The following PTPRO variants were observed in gnomAD, a reference collection of about 807,000 sequenced individuals.
PTPRO encodes receptor-type tyrosine-protein phosphatase O.
In PTPRO, 62 loss-of-function variants were observed where a neutral mutation model predicts 145.2. The ratio of observed to expected loss-of-function variants is 0.43; its 90% CI spans 0.35 to 0.53. The LOEUF is 0.53. Among genes scored for constraint, PTPRO ranks in the 20% least tolerant of loss-of-function variants. The probability of loss-of-function intolerance (pLI) is 0.01; values close to 1 mark genes in which losing one functional copy is unlikely to be tolerated. For missense variants in PTPRO, 1,345 were observed against 1,482.7 expected (o/e 0.91, Z 1.53); for synonymous variants, 565 against 514.7 (o/e 1.10, Z -1.32).
chr12:15,401,640 G>A (rs1197381300), intron 1 of PTPRO, among the ~76,000 whole-genome samples: 1 of 152,106 alleles, frequency 6.6e-6, no homozygotes, highest in African/African-American at 2.4e-5. Flanking sequence ...AAATAACTGA[G>A]AATTCACAGT....
chr12:15,520,253 T>A lies in PTPRO; in HGVS notation c.1832T>A (p.Val611Glu), dbSNP rs750976747. 2.2e-5 allele frequency: 35 copies of A among 1,613,958 alleles called. 1 individual carries two copies. The South Asian group carries it at 3.7e-4, about 17-fold the overall frequency. The change falls in exon 10 of 27, where the codon GTG becomes GAG. Residue 611 changes from valine (V) to glutamate (E), a missense_variant. Physicochemically the swap from Val to Glu is moderately radical, Grantham distance 121 (BLOSUM62 -2). Around this residue, in one of 3 missense-constraint regions of PTPRO, gnomAD observed 1,130 missense variants for 1,214.7 expected, o/e 0.93. Coordinates refer to ENST00000281171, the MANE Select transcript of PTPRO (RefSeq NM_030667.3). Reference sequence around the variant, plus strand: ...TACTACAACTTCCGGGTTACCATGGTGACGTGGGGAGATCCAGAATTGAGC... The same window carrying A: ...TACTACAACTTCCGGGTTACCATGGAGACGTGGGGAGATCCAGAATTGAGC... ...AWYYNFRVTM[V>E]TWGDPELSCC... is the part of the protein sequence containing the mutation.
chr12:15,522,247 CTT>C (rs10712852), intron 10 of PTPRO, among the ~76,000 whole-genome samples: 73 of 143,546 alleles, frequency 5.1e-4, no homozygotes, highest in Admixed American at 7.6e-4. Context: ...TTTTAACCTT[CTT>C]TTTTTTTTTT....
intron 6 of PTPRO, among the ~76,000 whole-genome samples, chr12:15,508,072 C>G (rs1194568953): frequency 6.6e-6 from 1 of 152,160 alleles, no homozygotes; most frequent in African/African-American, 2.4e-5. Context: ...TTGAGCCAGC[C>G]TGTTGTGTGT....
At chr12:15,345,118 A>G (rs1442620877) in intron 1 of PTPRO, among the ~76,000 whole-genome samples, 3 of 152,118 alleles carry the variant, frequency 2.0e-5, no homozygotes, top group African/African-American at 7.2e-5. Context: ...CTCCTTTTCC[A>G]TATACATAAA....
chr12:15,421,282 T>C (rs558905431), intron 1 of PTPRO, among the ~76,000 whole-genome samples: 1 of 152,342 alleles, frequency 6.6e-6, no homozygotes, highest in African/African-American at 2.4e-5. Flanking sequence ...TGTAAATCCT[T>C]GAAACCAGTG....
chr12:15,504,145 A>G (rs567749150), intron 6 of PTPRO, 76 bp downstream of exon 6: 4 of 1,451,982 alleles, frequency 2.8e-6, no homozygotes, highest in Admixed American at 1.8e-5. Flanking sequence ...TGATGCTCAG[A>G]TGTCAATTAT....
intron 1 of PTPRO, among the ~76,000 whole-genome samples, chr12:15,362,000 GT>G (rs1258332483): frequency 2.0e-5 from 3 of 152,136 alleles, no homozygotes; most frequent in Non-Finnish European, 2.9e-5. Context: ...ATGAACTACA[GT>G]GTCCAAATCA....
At chr12:15,581,020 G>GGA (rs1944301365) in intron 22 of PTPRO, among the ~76,000 whole-genome samples, 189 bp downstream of exon 22, 1 of 152,102 alleles carries the variant, frequency 6.6e-6, no homozygotes, top group South Asian at 2.1e-4. Flanking sequence ...TCTTTGCAAT[G>GGA]TCTAAAGGAA....
chr12:15,515,808 G>A (rs1197071049), intron 8 of PTPRO, among the ~76,000 whole-genome samples, 190 bp downstream of exon 8: 1 of 151,796 alleles, frequency 6.6e-6, no homozygotes, highest in African/African-American at 2.4e-5. Flanking sequence ...TTTATTACTT[G>A]GGGAAAAAAT....
chr12:15,527,875 A>ACCCCCCCCCCCCACCCCCCC (rs1555173370), intron 12 of PTPRO, among the ~76,000 whole-genome samples: 1 of 137,648 alleles, frequency 7.3e-6, no homozygotes, highest in Non-Finnish European at 1.6e-5. Context: ...GGGAACTGTG[A>ACCCCCCCCCCCCACCCCCCC]CCCGCCCACG....
At chr12:15,327,302 T>C (rs1866472527) in intron 1 of PTPRO, among the ~76,000 whole-genome samples, 1 of 152,214 alleles carries the variant, frequency 6.6e-6, no homozygotes, top group African/African-American at 2.4e-5. Flanking sequence ...CTCTGTTTAA[T>C]GTTATTAATT....
At chr12:15,326,524 C>T (rs1268002379) in intron 1 of PTPRO, among the ~76,000 whole-genome samples, 1 of 152,136 alleles carries the variant, frequency 6.6e-6, no homozygotes, top group East Asian at 1.9e-4. Context: ...AGAAAATGCA[C>T]ATTTATGTGG....
intron 1 of PTPRO, among the ~76,000 whole-genome samples, chr12:15,356,381 AT>A (rs956041575): frequency 1.1e-4 from 17 of 151,890 alleles, no homozygotes; most frequent in Non-Finnish European, 2.2e-4. Context: ...CCCAATTCTG[AT>A]TTTTTTCCCT....
intron 14 of PTPRO, among the ~76,000 whole-genome samples, chr12:15,551,224 T>C (rs1943449900): frequency 6.6e-6 from 1 of 152,202 alleles, no homozygotes; most frequent in African/African-American, 2.4e-5. Context: ...TGGTAATGAC[T>C]TCCACATTTT....
At chr12:15,563,167 A>G (rs1943817273) in intron 17 of PTPRO, among the ~76,000 whole-genome samples, 1 of 152,150 alleles carries the variant, frequency 6.6e-6, no homozygotes, top group Non-Finnish European at 1.5e-5. Flanking sequence ...TACCTAATAT[A>G]AGTGAAAGAG....
intron 1 of PTPRO, among the ~76,000 whole-genome samples, chr12:15,345,261 T>C (rs776242783): frequency 5.9e-5 from 9 of 152,182 alleles, no homozygotes; most frequent in Non-Finnish European, 1.3e-4. Flanking sequence ...TCAATTATTT[T>C]ATAGTATCAC....
chr12:15,482,663 A>G (rs1430335980), intron 1 of PTPRO, among the ~76,000 whole-genome samples: 3 of 152,194 alleles, frequency 2.0e-5, no homozygotes, highest in Non-Finnish European at 4.4e-5. Context: ...TTATGTGTCA[A>G]TTAAAAATAA....
chr12:15,582,377 A>C (rs920318607), intron 23 of PTPRO, among the ~76,000 whole-genome samples: 20 of 152,378 alleles, frequency 1.3e-4, no homozygotes, highest in Admixed American at 3.3e-4. Context: ...CTGGGAGACC[A>C]ACCCAATGAG....
At chr12:15,468,715 T>C (rs1941472969) in intron 1 of PTPRO, among the ~76,000 whole-genome samples, 1 of 152,204 alleles carries the variant, frequency 6.6e-6, no homozygotes. Flanking sequence ...AAACCAGATT[T>C]CTTAACTGTC....
Sources: allele counts gnomAD v4.1 joint callset (sites outside exome capture counted in the v4.1 genomes callset), GRCh38; gene constraint gnomAD v4.1.1; regional missense constraint gnomAD v4.1.1; transcripts MANE v1.5; gene names NCBI Gene and HGNC (gene_info 2026-07-23, HGNC 2026-07-21).